Variants in CSGALNACT1 observed in about 807,000 individuals in gnomAD.
The protein encoded by CSGALNACT1 is beta4GalNAcT-1.
Under a neutral mutation model 51.0 loss-of-function variants are expected in CSGALNACT1, and 52 were observed. The observed-to-expected ratio is 1.02, with a 90% confidence interval of 0.82 to 1.29. The LOEUF (loss-of-function observed/expected upper bound fraction) is 1.29. Ranked by LOEUF, CSGALNACT1 falls within the 50% of genes most tolerant of loss-of-function variation. The pLI, the probability that CSGALNACT1 is intolerant of heterozygous loss-of-function variation, is 0.00. For missense variants in CSGALNACT1, 935 were observed against 679.2 expected (o/e 1.38, Z -4.19); for synonymous variants, 341 against 254.4 (o/e 1.34, Z -3.24).
chr8:19,581,716 A>T (rs971216980), intron 3 of CSGALNACT1, among the ~76,000 whole-genome samples: 1 of 152,334 alleles, frequency 6.6e-6, no homozygotes, highest in South Asian at 2.1e-4. Flanking sequence ...TACATCAGCT[A>T]CAGAGTATCA....
chr8:19,717,754 TATGTTC>T (rs1249399039), intron 1 of CSGALNACT1, among the ~76,000 whole-genome samples: 1 of 152,196 alleles, frequency 6.6e-6, no homozygotes, highest in Non-Finnish European at 1.5e-5. Flanking sequence ...TTCTGTAGGT[TATGTTC>T]TGCAAGACTA....
intron 4 of CSGALNACT1, among the ~76,000 whole-genome samples, chr8:19,463,832 T>C (rs1272289988): frequency 6.6e-6 from 1 of 152,158 alleles, no homozygotes. Context: ...TCCTACTCAA[T>C]GGGCCAGGAT....
At chr8:19,478,515 C>T (rs1455968130) in intron 4 of CSGALNACT1, among the ~76,000 whole-genome samples, 2 of 149,740 alleles carry the variant, frequency 1.3e-5, no homozygotes, top group Admixed American at 1.3e-4. Context: ...CCCCAAGAGA[C>T]TAACTAACGT....
intron 1 of CSGALNACT1, among the ~76,000 whole-genome samples, chr8:19,727,819 A>C: frequency 6.6e-6 from 1 of 152,170 alleles, no homozygotes; most frequent in East Asian, 1.9e-4. Context: ...TCTCCAGTGG[A>C]AAGTTAGCAA....
At chr8:19,537,643 C>T (rs535233014) in intron 3 of CSGALNACT1, among the ~76,000 whole-genome samples, 1 of 152,294 alleles carries the variant, frequency 6.6e-6, no homozygotes, top group African/African-American at 2.4e-5. Flanking sequence ...AATAAAGCTC[C>T]CCTTTCCAAA....
chr8:19,567,356 G>C (rs147999120), intron 3 of CSGALNACT1, among the ~76,000 whole-genome samples: 1 of 152,276 alleles, frequency 6.6e-6, no homozygotes, highest in African/African-American at 2.4e-5. Context: ...AGTAATAAAA[G>C]TCAATCCAAA....
At chr8:19,609,833 A>T (rs550335777) in intron 1 of CSGALNACT1, among the ~76,000 whole-genome samples, 2 of 152,226 alleles carry the variant, frequency 1.3e-5, no homozygotes, top group South Asian at 4.1e-4. Context: ...TTTATTGTGT[A>T]TTAATTATAC....
exon 8 of CSGALNACT1, chr8:19,418,672 G>T: frequency 3.1e-6 from 5 of 1,611,168 alleles, no homozygotes; most frequent in Non-Finnish European, 4.2e-6. Flanking sequence ...CTGTTCCAAG[G>T]GAGGGACTGC....
intron 1 of CSGALNACT1, among the ~76,000 whole-genome samples, chr8:19,627,627 C>G (rs1305628284): frequency 6.6e-6 from 1 of 152,020 alleles, no homozygotes; most frequent in Non-Finnish European, 1.5e-5. Flanking sequence ...AGTTCAAGGC[C>G]AGCCTGGGCA....
chr8:19,586,140 A>T (rs956895263), intron 3 of CSGALNACT1, among the ~76,000 whole-genome samples: 4 of 152,176 alleles, frequency 2.6e-5, no homozygotes, highest in Non-Finnish European at 5.9e-5. Flanking sequence ...AGGCGGGCAG[A>T]TCACATGAGG....
At chr8:19,695,448 G>A (rs1186481569) in intron 1 of CSGALNACT1, among the ~76,000 whole-genome samples, 1 of 152,052 alleles carries the variant, frequency 6.6e-6, no homozygotes, top group African/African-American at 2.4e-5. Context: ...CTCTCTCCTG[G>A]CCTCAACTTC....
chr8:19,626,161 T>C (rs2054426432), intron 1 of CSGALNACT1, among the ~76,000 whole-genome samples: 1 of 152,150 alleles, frequency 6.6e-6, no homozygotes, highest in African/African-American at 2.4e-5. Context: ...CAATACCCAG[T>C]TTTAAGACTT....
In CSGALNACT1 at chr8:19,458,455, G is replaced by GCAAAAAA. The variant is rs2064614026; in HGVS notation, c.821_822insTTTTTTG (p.Lys275PhefsTer17). The GCAAAAAA allele has an allele frequency of 1.9e-6, 3 of 1,614,070 alleles. No individual in the cohort carries two copies. Among genetic ancestry groups the GCAAAAAA allele is most frequent in the Non-Finnish European group, 2.5e-6 (3 of 1,180,038 alleles). On this transcript the variant is annotated frameshift_variant, in exon 5 of 10. Coordinates refer to ENST00000454498, the Ensembl canonical transcript of CSGALNACT1. LOFTEE classifies it high-confidence loss of function. The stretch of plus-strand genomic sequence containing the variant: ...AATTCTGCATGAACTGCCGGAACTT[G>GCAAAAAA]TCCACCCTTTTTGCTAGAGGCACGA...
chr8:19,686,308 A>G (rs559705912), upstream of CSGALNACT1, among the ~76,000 whole-genome samples: 4 of 152,060 alleles, frequency 2.6e-5, no homozygotes, highest in African/African-American at 7.2e-5. Context: ...AGCTTAGAGG[A>G]AAAAAAACTA....
At chr8:19,610,028 C>G (rs1181507510) in intron 1 of CSGALNACT1, among the ~76,000 whole-genome samples, 4 of 151,864 alleles carry the variant, frequency 2.6e-5, no homozygotes, top group African/African-American at 4.8e-5. Context: ...AGACGATCAG[C>G]CTGGCTAAGA....
intron 1 of CSGALNACT1, among the ~76,000 whole-genome samples, chr8:19,744,575 T>C (rs909162533): frequency 5.9e-5 from 9 of 152,202 alleles, no homozygotes; most frequent in Non-Finnish European, 1.0e-4. Context: ...AGTATGAATA[T>C]ATAATTTATT....
intron 3 of CSGALNACT1, among the ~76,000 whole-genome samples, chr8:19,520,504 C>G (rs2080442592): frequency 6.6e-6 from 1 of 152,236 alleles, no homozygotes. Flanking sequence ...TCAGCAATCT[C>G]TACTAGGGAG....
At chr8:19,437,715 A>G (rs1585992204) in intron 6 of CSGALNACT1, among the ~76,000 whole-genome samples, 2 of 152,308 alleles carry the variant, frequency 1.3e-5, no homozygotes, top group East Asian at 3.9e-4. Flanking sequence ...TACATACACA[A>G]TTTAAGAAGT....
In CSGALNACT1 at chr8:19,508,455, G is replaced by A. The variant is rs182430765; in HGVS notation, c.-296-2325C>T. 2.6e-5 allele frequency among the ~76,000 whole-genome samples: 4 copies of A among 152,334 alleles called. No homozygotes were observed. In the East Asian group the frequency reaches 5.8e-4, roughly 22 times the overall value. On this transcript the variant is annotated intron_variant, in intron 3 of 9. Coordinates refer to ENST00000454498, the Ensembl canonical transcript of CSGALNACT1. ...TATTAGTGCTAAGTTTAAAGTGCATGTTTAGCCCTGGAAGCCTTTTCCATC... is the reference window on the plus strand; with the variant it reads ...TATTAGTGCTAAGTTTAAAGTGCATATTTAGCCCTGGAAGCCTTTTCCATC...
Sources: allele counts gnomAD v4.1 joint callset (sites outside exome capture counted in the v4.1 genomes callset), GRCh38; gene constraint gnomAD v4.1.1; transcripts MANE v1.5; gene names NCBI Gene and HGNC (gene_info 2026-07-23, HGNC 2026-07-21).